Variants in KLF7 observed in about 807,000 individuals in gnomAD.
KLF7 encodes Krueppel-like factor 7.
A neutral mutation model predicts 27.3 loss-of-function variants in KLF7; 2 were observed. That is an observed-to-expected ratio of 0.07 (90% CI 0.03 to 0.23). The LOEUF is 0.23. KLF7 is among the 10% of genes least tolerant of loss of function. KLF7 has a pLI of 1.00. For synonymous variants in KLF7, 165 were observed against 162.4 expected (o/e 1.02, Z -0.12); for missense variants, 221 against 394.1 (o/e 0.56, Z 3.72).
intron 1 of KLF7, among the ~76,000 whole-genome samples, chr2:207,156,497 C>A (rs1190807933): frequency 6.6e-6 from 1 of 152,210 alleles, no homozygotes; most frequent in Non-Finnish European, 1.5e-5. Context: ...TGCATCCAGC[C>A]CTTTCAAACC....
At chr2:207,133,239 T>C (rs1252290095) in intron 1 of KLF7, among the ~76,000 whole-genome samples, 1 of 152,156 alleles carries the variant, frequency 6.6e-6, no homozygotes, top group East Asian at 1.9e-4. Context: ...CAAGTTCCAT[T>C]AGATGGCCCT....
chr2:207,164,010 G>A (rs1264274648), intron 1 of KLF7, among the ~76,000 whole-genome samples: 2 of 152,242 alleles, frequency 1.3e-5, no homozygotes, highest in Non-Finnish European at 2.9e-5. Context: ...ATCTGCTAGC[G>A]TCCTTGGACA....
At chr2:207,103,559 G>A (rs1010164918) in intron 2 of KLF7, among the ~76,000 whole-genome samples, 1 of 152,298 alleles carries the variant, frequency 6.6e-6, no homozygotes, top group African/African-American at 2.4e-5. Flanking sequence ...AGGAAATCTC[G>A]CTTCTTTTCT....
At chr2:207,100,808 C>T (rs1057453872) in intron 2 of KLF7, among the ~76,000 whole-genome samples, 1 of 152,212 alleles carries the variant, frequency 6.6e-6, no homozygotes, top group Non-Finnish European at 1.5e-5. Flanking sequence ...TCTCCCCACA[C>T]ACATTAAATG....
At chr2:207,098,683 G>A (rs976297596) in intron 2 of KLF7, among the ~76,000 whole-genome samples, 1 of 151,668 alleles carries the variant, frequency 6.6e-6, no homozygotes, top group Admixed American at 6.6e-5. Flanking sequence ...CTGGAGTGCA[G>A]GGGTGCAATC....
At chr2:207,088,417 C>T (rs1559111795) in intron 3 of KLF7, 41 bp downstream of exon 3, 1 of 1,596,458 alleles carries the variant, frequency 6.3e-7, no homozygotes. Context: ...CCCACTTCCC[C>T]ATCTCTCCTC....
In KLF7 at chr2:207,075,064, G is replaced by C. The variant is rs1412134691; in HGVS notation, c.*6149C>G. ...AAGATTTTTTTCCCCAGTGAAACAA[G>C]CTAAGGAGAAATACAGTAAAGTATT... On this transcript the variant is annotated 3_prime_UTR_variant, in exon 4 of 4. Coordinates refer to ENST00000309446, the MANE Select transcript of KLF7 (RefSeq NM_003709.4). The C allele has an allele frequency of 6.6e-6, 1 of 152,066 alleles. No homozygotes were observed. Among genetic ancestry groups the C allele is most frequent in the African/African-American group, 2.4e-5 (1 of 41,406 alleles). The allele number at this position is 152,066 out of a possible 1,614,324, so 9.4% of individuals were successfully genotyped here.
intron 2 of KLF7, among the ~76,000 whole-genome samples, chr2:207,102,215 T>TATGTAGAAACACCCCCAC (rs1314696355): frequency 2.0e-5 from 3 of 149,836 alleles, no homozygotes; most frequent in African/African-American, 7.4e-5. Context: ...GACACCCACA[T>TATGTAGAAACACCCCCAC]ATGTAGAAAC....
chr2:207,099,825 C>CA (rs1011501563), intron 2 of KLF7, among the ~76,000 whole-genome samples: 2 of 151,944 alleles, frequency 1.3e-5, no homozygotes, highest in African/African-American at 4.8e-5. Context: ...GCAATGTTAT[C>CA]AATCTTCAAG....
At chr2:207,143,032 A>G (rs1034585865) in intron 1 of KLF7, among the ~76,000 whole-genome samples, 1 of 152,220 alleles carries the variant, frequency 6.6e-6, no homozygotes, top group Admixed American at 6.5e-5. Context: ...TCCTGAACCT[A>G]AATGTCAAAG....
At chr2:207,124,844 C>G (rs545019960) in intron 1 of KLF7, among the ~76,000 whole-genome samples, 1 of 152,314 alleles carries the variant, frequency 6.6e-6, no homozygotes, top group South Asian at 2.1e-4. Context: ...GACTTGAGCA[C>G]ATCACACAAG....
intron 2 of KLF7, among the ~76,000 whole-genome samples, chr2:207,105,108 G>A (rs1574460053): frequency 6.6e-6 from 1 of 152,046 alleles, no homozygotes; most frequent in Middle Eastern, 3.4e-3. Flanking sequence ...ATTTCATTCC[G>A]TCACCTTCTC....
At chr2:207,111,794 T>C (rs559083133) in intron 2 of KLF7, among the ~76,000 whole-genome samples, 24 of 152,310 alleles carry the variant, frequency 1.6e-4, no homozygotes, top group African/African-American at 5.5e-4. Flanking sequence ...TATGCACTGA[T>C]GTTCATTTAT....
chr2:207,147,960 T>C (rs949039615), intron 1 of KLF7, among the ~76,000 whole-genome samples: 1 of 152,134 alleles, frequency 6.6e-6, no homozygotes, highest in African/African-American at 2.4e-5. Context: ...ACTTGGAATG[T>C]TACCACTTGA....
chr2:207,104,427 C>T (rs1232248739), intron 2 of KLF7, among the ~76,000 whole-genome samples: 1 of 152,186 alleles, frequency 6.6e-6, no homozygotes, highest in African/African-American at 2.4e-5. Flanking sequence ...TCATCAACAT[C>T]AGCCAAGACT....
At chr2:207,162,927 A>ACTT (rs1369380813) in intron 1 of KLF7, among the ~76,000 whole-genome samples, 1 of 152,096 alleles carries the variant, frequency 6.6e-6, no homozygotes, top group Non-Finnish European at 1.5e-5. Flanking sequence ...GCATAAAGAA[A>ACTT]CTTCTTCCTG....
At chr2:207,146,842 T>C (rs1375195912) in intron 1 of KLF7, among the ~76,000 whole-genome samples, 4 of 152,208 alleles carry the variant, frequency 2.6e-5, no homozygotes. Context: ...GGGAAGCAGC[T>C]TGGGGCCAGA....
chr2:207,134,241 AATAT>A, intron 1 of KLF7: 2 of 848,186 alleles, frequency 2.4e-6, no homozygotes, highest in Non-Finnish European at 3.5e-6. Flanking sequence ...TGGGTTAATT[AATAT>A]ACCCTTCCCC....
chr2:207,143,254 C>T (rs1003133367), intron 1 of KLF7, among the ~76,000 whole-genome samples: 3 of 152,126 alleles, frequency 2.0e-5, no homozygotes, highest in South Asian at 2.1e-4. Context: ...GCAAAAAGAT[C>T]AACAATGAGT....
Sources: gnomAD v4.1 joint callset for allele counts (sites outside exome capture counted in the v4.1 genomes callset) on GRCh38, gnomAD v4.1.1 for gene constraint, MANE v1.5 for transcripts, NCBI Gene and HGNC (gene_info 2026-07-23, HGNC 2026-07-21) for gene names.